The following ORC1 variants were observed in gnomAD, a reference collection of about 807,000 sequenced individuals.
ORC1 encodes origin recognition complex subunit 1.
A neutral mutation model predicts 98.9 loss-of-function variants in ORC1; 61 were observed. That is an observed-to-expected ratio of 0.62 (90% CI 0.50 to 0.76). The LOEUF is 0.76. Among genes scored for constraint, ORC1 ranks in the 30% least tolerant of loss-of-function variants. The pLI is 0.00. For missense variants in ORC1, 979 were observed against 1,072.2 expected, an observed-to-expected ratio of 0.91 and a Z score of 1.21; for synonymous variants, 385 against 406.9, an observed-to-expected ratio of 0.95 and a Z score of 0.65.
Position 52,388,548 on chromosome 1 carries a change from G to T in ORC1, c.1277C>A (p.Ala426Asp). Reference sequence around the variant, plus strand: ...TCTCCTTGGAAGGGGCGGTGTGGAAGCCTCTTCTTCGTCACTGCTAGAGTC... The same window carrying T: ...TCTCCTTGGAAGGGGCGGTGTGGAATCCTCTTCTTCGTCACTGCTAGAGTC... ...ISDSSSDEEE[A>D]STPPLPRRAP... The change falls in exon 8 of 17, where the codon GCT becomes GAT. Residue 426 changes from alanine to aspartate, a missense_variant. Ala to Asp is a moderately radical substitution (Grantham distance 126, BLOSUM62 -2). Coordinates refer to ENST00000371568, the MANE Select transcript of ORC1 (RefSeq NM_004153.4). The T allele has an allele frequency of 6.2e-7, 1 of 1,614,074 alleles. No individual in the cohort carries two copies. Among genetic ancestry groups the T allele is most frequent in the Non-Finnish European group, 8.5e-7 (1 of 1,179,968 alleles).
At position 52,401,095 on chromosome 1, in the gene ORC1, T is replaced by TC. The variant is rs1265057883; in HGVS notation, c.223+266dup. Reference sequence around the variant, plus strand: ...CCCCCAAATTCATCCATTCTCTCCATCCCCCCCAATTCTGCCTTAATAGCC... The same window carrying TC: ...CCCCCAAATTCATCCATTCTCTCCATCCCCCCCCAATTCTGCCTTAATAGCC... On this transcript the variant is annotated intron_variant, in intron 3 of 16. Coordinates refer to ENST00000371568, the MANE Select transcript of ORC1 (RefSeq NM_004153.4). Among the ~76,000 whole-genome samples, 4 of 150,564 alleles carry TC rather than the reference T, an allele frequency of 2.7e-5. No individual in the cohort carries two copies. In the East Asian group the frequency reaches 5.9e-4, roughly 22 times the overall value.
At chr1:52,375,228 T>G (rs1443536438) in intron 15 of ORC1, among the ~76,000 whole-genome samples, 1 of 152,178 alleles carries the variant, frequency 6.6e-6, no homozygotes, top group Non-Finnish European at 1.5e-5. Context: ...AGCACTTTTA[T>G]GCCCTAAACA....
intron 5 of ORC1, among the ~76,000 whole-genome samples, chr1:52,395,207 G>C (rs1647338255): frequency 1.3e-5 from 2 of 152,096 alleles, no homozygotes; most frequent in Admixed American, 6.5e-5. Context: ...GAAAAAGCAA[G>C]TTGGAAAAGA....
At chr1:52,393,420 C>T (rs748162935) in intron 6 of ORC1, 23 bp downstream of exon 6, 1 of 1,613,978 alleles carries the variant, frequency 6.2e-7, no homozygotes, top group Non-Finnish European at 8.5e-7. Flanking sequence ...TCAATTTGCT[C>T]TGTGGGTAAT....
At chr1:52,396,503 G>C (rs1647404044) in intron 4 of ORC1, 139 bp from the exon 5 acceptor site, 2 of 962,064 alleles carry the variant, frequency 2.1e-6, no homozygotes, top group Admixed American at 4.2e-5. Flanking sequence ...AAGACGCATA[G>C]ACATGGCATA....
chr1:52,398,997 C>A (rs1251128844), intron 3 of ORC1, among the ~76,000 whole-genome samples: 1 of 152,084 alleles, frequency 6.6e-6, no homozygotes, highest in Non-Finnish European at 1.5e-5. Context: ...GGTCACATGA[C>A]CAACTGCAGC....
intron 14 of ORC1, among the ~76,000 whole-genome samples, chr1:52,376,807 G>A (rs1465824322): frequency 1.3e-5 from 2 of 152,040 alleles, no homozygotes; most frequent in East Asian, 1.9e-4. Flanking sequence ...GCATCCCTTC[G>A]GGCTGCTGCT....
At position 52,381,759 on chromosome 1, in the gene ORC1, A is replaced by AC; in HGVS notation, c.2015dup (p.Leu673SerfsTer12). ...AGGGCTGGAAGCACATCCTGGTAAG[A>AC]CCCTGGGGAGCCAAAATGACAGAGG... is the stretch of plus-strand genomic sequence containing the variant. On this transcript the variant is annotated frameshift_variant and splice_region_variant, in exon 14 of 17. Transcript: ENST00000371568. LOFTEE classifies it high-confidence loss of function. 6.2e-7 allele frequency: 1 copy of AC among 1,612,874 alleles called. No homozygotes were observed. Among genetic ancestry groups the AC allele is most frequent in the Non-Finnish European group, 8.5e-7 (1 of 1,179,298 alleles).
intron 5 of ORC1, among the ~76,000 whole-genome samples, chr1:52,394,684 T>TGTTGCTCA (rs1647316621): frequency 6.6e-6 from 1 of 152,214 alleles, no homozygotes; most frequent in African/African-American, 2.4e-5. Flanking sequence ...AGTCTTGCTC[T>TGTTGCTCA]GTTGCTCAGA....
chr1:52,406,894 T>G (rs147492887), upstream of ORC1, among the ~76,000 whole-genome samples: 71 of 152,374 alleles, frequency 4.7e-4, no homozygotes, highest in East Asian at 0.013. Flanking sequence ...AAATCTGGCT[T>G]CAGAGTTCAT....
At chr1:52,374,952 G>T in intron 15 of ORC1, 55 bp from the exon 16 acceptor site, 1 of 1,122,124 alleles carries the variant, frequency 8.9e-7, no homozygotes. Flanking sequence ...CCCCAGCCCA[G>T]AGGAAAGCCA....
chr1:52,382,334 A>G (rs1282379828), intron 13 of ORC1, among the ~76,000 whole-genome samples: 2 of 152,068 alleles, frequency 1.3e-5, no homozygotes, highest in Non-Finnish European at 2.9e-5. Flanking sequence ...CTTTGATTCT[A>G]TCAGAATCAT....
chr1:52,385,954 A>G lies in ORC1; in HGVS notation c.1384-5T>C, dbSNP rs754037834. On this transcript the variant is annotated splice_polypyrimidine_tract_variant and splice_region_variant and intron_variant, in intron 8 of 16. Transcript: ENST00000371568. ...ACGTGGCGTTCTAGGCTTGAGCTGT[A>G]TTGAAAACAAAGAACATATTTCACA... The G allele has an allele frequency of 6.2e-7, 1 of 1,610,090 alleles. No individual in the cohort carries two copies. Among genetic ancestry groups the G allele is most frequent in the Admixed American group, 1.7e-5 (1 of 59,992 alleles).
At chr1:52,406,057 C>T (rs774471134), upstream of ORC1, among the ~76,000 whole-genome samples, 16 of 152,084 alleles carry the variant, frequency 1.1e-4, no homozygotes, top group African/African-American at 2.2e-4. Context: ...GGTGCGATCT[C>T]GGCCCACTGC....
Position 52,393,512 on chromosome 1 carries a change from G to A in ORC1, c.1013C>T (p.Pro338Leu), listed in dbSNP as rs1289129427. 6.2e-7 allele frequency: 1 copy of A among 1,614,148 alleles called. No individual in the cohort carries two copies. The highest frequency in any genetic ancestry group is 8.5e-7 in the Non-Finnish European group (1 of 1,180,032). The change falls in exon 6 of 17, where the codon CCT (proline) becomes CTT (leucine). Residue 338 changes from proline (P) to leucine (L), a missense_variant. Coordinates refer to ENST00000371568, the MANE Select transcript of ORC1 (RefSeq NM_004153.4). Reference sequence around the variant, plus strand: ...TGAAGATCTCTGTCCCCCACTGATAGGGGTAAGTGTTCTCTCCTCTCTAAT... The same window carrying A: ...TGAAGATCTCTGTCCCCCACTGATAAGGGTAAGTGTTCTCTCCTCTCTAAT... ...IDIREERTLT[P>L]ISGGQRSSVV...
At chr1:52,401,001 C>A (rs1647677439) in intron 3 of ORC1, among the ~76,000 whole-genome samples, 1 of 152,166 alleles carries the variant, frequency 6.6e-6, no homozygotes, top group Admixed American at 6.5e-5. Context: ...ATATTACTAA[C>A]CTTCATGCCA....
upstream of ORC1, chr1:52,404,982 A>G: frequency 7.2e-7 from 1 of 1,397,128 alleles, no homozygotes; most frequent in African/African-American, 1.4e-5. Flanking sequence ...TGGTACTGGA[A>G]CGGAGTATGT....
intron 7 of ORC1, 51 bp from the exon 8 acceptor site, chr1:52,388,688 G>A: frequency 1.3e-6 from 2 of 1,488,518 alleles, no homozygotes; most frequent in Non-Finnish European, 1.9e-6. Flanking sequence ...GTCTAAATAA[G>A]AAGAACTCTA....
intron 5 of ORC1, among the ~76,000 whole-genome samples, chr1:52,394,621 GA>G (rs958811267): frequency 1.4e-5 from 2 of 146,580 alleles, no homozygotes; most frequent in African/African-American, 2.5e-5. Flanking sequence ...AGGACCTAAA[GA>G]AAAAAAAAAG....
Sources: allele counts gnomAD v4.1 joint callset (sites outside exome capture counted in the v4.1 genomes callset), GRCh38; gene constraint gnomAD v4.1.1; transcripts MANE v1.5; gene names NCBI Gene and HGNC (gene_info 2026-07-23, HGNC 2026-07-21).